The following METTL15 variants were observed in gnomAD, a reference collection of about 807,000 sequenced individuals.
The protein encoded by METTL15 is 12S rRNA N(4)-cytidine methyltransferase METTL15.
Under a neutral mutation model 38.3 loss-of-function variants are expected in METTL15, and 34 were observed. The ratio of observed to expected loss-of-function variants is 0.89; its 90% CI spans 0.68 to 1.18. The LOEUF (loss-of-function observed/expected upper bound fraction) is 1.18. METTL15 is among the 50% of genes most tolerant of loss of function. The pLI is 0.00. For missense variants in METTL15, 438 were observed against 498.4 expected (o/e 0.88, Z 1.15); for synonymous variants, 162 against 170.9 (o/e 0.95, Z 0.41).
rs187571123 is a variant in METTL15 at position 28,427,765 on chromosome 11, A to G, written c.*424+3401A>G. ...TTGTTGGTGTATAGGAATGCTAGCG[A>G]TTTTCGCACACTGATTTTGTATCCT... On this transcript the variant is annotated intron_variant and NMD_transcript_variant, in intron 6 of 7. Coordinates refer to the METTL15 transcript ENST00000532947. Among the ~76,000 whole-genome samples the G allele has an allele frequency of 1.6e-3, 241 of 152,226 alleles. 2 individuals carry two copies. Among genetic ancestry groups the G allele is most frequent in the South Asian group, 5.8e-3 (28 of 4,824 alleles).
At chr11:28,271,225 A>C (rs1398798181) in intron 4 of METTL15, among the ~76,000 whole-genome samples, 10 of 152,142 alleles carry the variant, frequency 6.6e-5, no homozygotes, top group Non-Finnish European at 1.5e-4. Context: ...CTTACAATAA[A>C]TATTTATTAT....
intron 6 of METTL15, among the ~76,000 whole-genome samples, chr11:28,307,381 A>G (rs1159338266): frequency 6.6e-6 from 1 of 151,952 alleles, no homozygotes; most frequent in Non-Finnish European, 1.5e-5. Flanking sequence ...TGCTCAATCA[A>G]TATTTCTTTA....
intron 5 of METTL15, among the ~76,000 whole-genome samples, chr11:28,391,442 A>G (rs1409040498): frequency 6.6e-6 from 1 of 151,994 alleles, no homozygotes; most frequent in African/African-American, 2.4e-5. Context: ...AGCATGAAGC[A>G]TTGTGGAATT....
chr11:28,342,159 T>A (rs1469149369), intron 3 of METTL15, among the ~76,000 whole-genome samples: 1 of 152,210 alleles, frequency 6.6e-6, no homozygotes, highest in Non-Finnish European at 1.5e-5. Context: ...CCTGGGAGCA[T>A]TCACATTCTT....
At chr11:28,425,752 A>G (rs983926691) in intron 6 of METTL15, among the ~76,000 whole-genome samples, 3 of 152,112 alleles carry the variant, frequency 2.0e-5, no homozygotes, top group Non-Finnish European at 4.4e-5. Flanking sequence ...GTACCTGTAT[A>G]TATTTTTTGT....
intron 4 of METTL15, among the ~76,000 whole-genome samples, chr11:28,268,248 G>C (rs1395478809): frequency 7.8e-6 from 1 of 127,832 alleles, no homozygotes; most frequent in Admixed American, 7.7e-5. Context: ...TTTTAGTATA[G>C]AAATAATAAT....
At chr11:28,128,171 T>G (rs1373877084) in intron 3 of METTL15, among the ~76,000 whole-genome samples, 1 of 152,128 alleles carries the variant, frequency 6.6e-6, no homozygotes, top group Non-Finnish European at 1.5e-5. Context: ...TTAGCCAAGA[T>G]AGAAACTTTG....
At chr11:28,467,759 A>G (rs1279639048) in intron 6 of METTL15, among the ~76,000 whole-genome samples, 2 of 152,204 alleles carry the variant, frequency 1.3e-5, no homozygotes, top group Admixed American at 1.3e-4. Flanking sequence ...GATGAGGAAG[A>G]AAGACAATAA....
chr11:28,321,922 A>G (rs1433031543), intron 6 of METTL15, among the ~76,000 whole-genome samples: 2 of 152,202 alleles, frequency 1.3e-5, no homozygotes, highest in Non-Finnish European at 2.9e-5. Context: ...GAAATGTAGT[A>G]TATGATCAAG....
intron 6 of METTL15, among the ~76,000 whole-genome samples, chr11:28,443,817 A>G (rs1406245569): frequency 6.6e-6 from 1 of 152,170 alleles, no homozygotes; most frequent in Non-Finnish European, 1.5e-5. Flanking sequence ...TTTGAATCCA[A>G]TCCACCTTCA....
intron 6 of METTL15, among the ~76,000 whole-genome samples, chr11:28,304,197 A>T (rs1022525102): frequency 6.6e-6 from 1 of 152,048 alleles, no homozygotes; most frequent in Admixed American, 6.6e-5. Flanking sequence ...AAACAGTGTG[A>T]TTTGTGATAG....
At chr11:28,120,375 A>G (rs1565105333) in intron 3 of METTL15, among the ~76,000 whole-genome samples, 1 of 150,170 alleles carries the variant, frequency 6.7e-6, no homozygotes, top group Non-Finnish European at 1.5e-5. Context: ...TTTATTTTAC[A>G]TTGCATTCTT....
chr11:28,478,646 G>A (rs906140982), intron 6 of METTL15, among the ~76,000 whole-genome samples: 1 of 152,106 alleles, frequency 6.6e-6, no homozygotes, highest in Non-Finnish European at 1.5e-5. Flanking sequence ...TCTTTGGCTT[G>A]CTTTGCTCCT....
chr11:28,174,192 A>G (rs1159590295), intron 3 of METTL15, among the ~76,000 whole-genome samples: 1 of 152,104 alleles, frequency 6.6e-6, no homozygotes, highest in Non-Finnish European at 1.5e-5. Flanking sequence ...TCTCTTCTCC[A>G]TTTATTTGTT....
chr11:28,146,264 G>A (rs775798221), intron 3 of METTL15, among the ~76,000 whole-genome samples: 5 of 151,940 alleles, frequency 3.3e-5, no homozygotes, highest in Non-Finnish European at 7.4e-5. Context: ...TTTTGATCTT[G>A]CATCCTGGCG....
At chr11:28,270,116 C>T (rs939334467) in intron 4 of METTL15, among the ~76,000 whole-genome samples, 1 of 152,078 alleles carries the variant, frequency 6.6e-6, no homozygotes, top group Non-Finnish European at 1.5e-5. Context: ...TATGAATTAT[C>T]TGCTTAGTAA....
intron 6 of METTL15, among the ~76,000 whole-genome samples, chr11:28,479,177 A>G (rs1851373970): frequency 6.6e-6 from 1 of 151,708 alleles, no homozygotes; most frequent in African/African-American, 2.4e-5. Flanking sequence ...ATTTTGTTTT[A>G]TTTGTTGATT....
chr11:28,493,091 C>G (rs1851509562), intron 6 of METTL15, among the ~76,000 whole-genome samples: 1 of 152,102 alleles, frequency 6.6e-6, no homozygotes, highest in African/African-American at 2.4e-5. Flanking sequence ...AAGCACAGAC[C>G]TTCAGGTGTG....
chr11:28,456,980 G>C (rs1447763726), intron 6 of METTL15, among the ~76,000 whole-genome samples: 1 of 152,196 alleles, frequency 6.6e-6, no homozygotes, highest in African/African-American at 2.4e-5. Context: ...GCTGTACCCT[G>C]TCTGAATTCT....
Sources: gnomAD v4.1 joint callset for allele counts (sites outside exome capture counted in the v4.1 genomes callset) on GRCh38, gnomAD v4.1.1 for gene constraint, MANE v1.5 for transcripts, NCBI Gene and HGNC (gene_info 2026-07-23, HGNC 2026-07-21) for gene names.